SART3: variants seen among roughly 807,000 people sequenced by gnomAD.
SART3 encodes spliceosome associated factor 3, U4/U6 recycling protein, also known as HIV-1 Tat-interacting protein of 110kDa.
In SART3, 44 loss-of-function variants were observed where a neutral mutation model predicts 122.3. The observed-to-expected ratio is 0.36, with a 90% confidence interval of 0.28 to 0.46. The LOEUF (loss-of-function observed/expected upper bound fraction) is 0.46. Ranked by LOEUF, SART3 falls within the 20% of genes least tolerant of loss-of-function variation. The probability of loss-of-function intolerance (pLI) is 1.00; values close to 1 mark genes in which losing one functional copy is unlikely to be tolerated. For missense variants in SART3, 1,101 were observed against 1,229.0 expected (o/e 0.90, Z 1.56); for synonymous variants, 442 against 454.0 (o/e 0.97, Z 0.34).
chr12:108,537,027 C>A, intron 9 of SART3: 2 of 529,888 alleles, frequency 3.8e-6, no homozygotes, highest in Non-Finnish European at 6.8e-6. Flanking sequence ...GGGGAGTCTC[C>A]CCCAGCTGGG....
At chr12:108,557,425 A>G (rs1486755825) in intron 1 of SART3, among the ~76,000 whole-genome samples, 2 of 152,140 alleles carry the variant, frequency 1.3e-5, no homozygotes, top group Non-Finnish European at 2.9e-5. Flanking sequence ...CTCCCTAGCA[A>G]TGTGAAAAAT....
At chr12:108,543,499 T>A (rs1873259055) in intron 5 of SART3, among the ~76,000 whole-genome samples, 1 of 152,200 alleles carries the variant, frequency 6.6e-6, no homozygotes, top group African/African-American at 2.4e-5. Flanking sequence ...ATTTTGCAGT[T>A]GAGGAAACTG....
At position 108,536,806 on chromosome 12, in the gene SART3, A is replaced by C. The variant is rs761466947; in HGVS notation, c.1310-21T>G. The C allele has an allele frequency of 3.7e-6, 6 of 1,610,488 alleles. No homozygotes were observed. In the East Asian group the frequency reaches 1.3e-4, roughly 36 times the overall value. ...GGAGTCTAACGGAAAGTGCAAAAAAAGGCTTTAGGAAACCACATAGCCTGG... is the reference window on the plus strand; with the variant it reads ...GGAGTCTAACGGAAAGTGCAAAAAACGGCTTTAGGAAACCACATAGCCTGG... On this transcript the variant is annotated intron_variant, in intron 9 of 18. Transcript: ENST00000546815.
intron 1 of SART3, among the ~76,000 whole-genome samples, chr12:108,559,664 C>CAAAAAA (rs35159668): frequency 1.3e-5 from 1 of 79,760 alleles, no homozygotes; most frequent in African/African-American, 4.8e-5. Context: ...GACTCTGTCT[C>CAAAAAA]AAAAAAAAAA....
In SART3 at chr12:108,530,229, C is replaced by T; in HGVS notation, c.1828G>A (p.Ala610Thr). The change falls in exon 15 of 19, where the codon GCG (alanine) becomes ACG (threonine). Residue 610 changes from alanine (A) to threonine (T), a missense_variant. Coordinates refer to ENST00000546815, the MANE Select transcript of SART3 (RefSeq NM_014706.4). ...CTGATCTTTTTCTTCTTTTTTAACG[C>T]TTTCTTCTCAGCCCGAGCTCTTTTC... is the stretch of plus-strand genomic sequence containing the variant. ...QRKRARAEKKALKKKKKIRGP... is the reference protein window; with the variant it reads ...QRKRARAEKKTLKKKKKIRGP... 1 of 1,614,188 alleles carries T rather than the reference C, an allele frequency of 6.2e-7. No homozygotes were observed. The highest frequency in any genetic ancestry group is 2.2e-5 in the East Asian group (1 of 44,888).
chr12:108,560,881 C>A lies in SART3; in HGVS notation c.274G>T (p.Glu92Ter), dbSNP rs1247330723. The A allele has an allele frequency of 6.2e-7, 1 of 1,606,240 alleles. No individual in the cohort carries two copies. The highest frequency in any genetic ancestry group is 8.5e-7 in the Non-Finnish European group (1 of 1,174,098). ...EYEWEYDEEE[E>*]KNQLEIERLE... Reference sequence around the variant, plus strand: ...CTCTCAATCTCCAGCTGGTTTTTCTCCTCCTCTTCGTCATATTCCCACTCG... The same window carrying A: ...CTCTCAATCTCCAGCTGGTTTTTCTACTCCTCTTCGTCATATTCCCACTCG... The change falls in exon 1 of 19, where the codon GAG (glutamate) becomes TAG (stop). Residue 92 changes from glutamate to a stop codon, truncating the protein, a stop_gained. Coordinates refer to ENST00000546815, the MANE Select transcript of SART3 (RefSeq NM_014706.4). LOFTEE classifies it high-confidence loss of function.
chr12:108,560,521 G>A (rs2030467689), intron 1 of SART3: 2 of 408,168 alleles, frequency 4.9e-6, no homozygotes, highest in Admixed American at 8.7e-5. Flanking sequence ...TCTGGAATGG[G>A]ATCAAAGTAC....
At chr12:108,542,147 T>C (rs1001365019) in intron 6 of SART3, among the ~76,000 whole-genome samples, 1 of 152,064 alleles carries the variant, frequency 6.6e-6, no homozygotes, top group Non-Finnish European at 1.5e-5. Flanking sequence ...GTGCCCAGCC[T>C]GAACACTTTA....
rs1347935751 is a variant in SART3 at position 108,523,267 on chromosome 12, C to T, written c.*190G>A. 1 of 647,006 alleles carries T rather than the reference C, an allele frequency of 1.5e-6. No homozygotes were observed. The highest frequency in any genetic ancestry group is 1.8e-5 in the African/African-American group (1 of 55,478). 40.1% of individuals were successfully genotyped at this position (647,006 alleles called of 1,614,324 possible). ...GAGTGGTCACTTTTCTGCCACTGCC[C>T]TCAATATGAGGGAGCACTGAAAGGC... On this transcript the variant is annotated 3_prime_UTR_variant, in exon 19 of 19. Coordinates refer to ENST00000546815, the MANE Select transcript of SART3 (RefSeq NM_014706.4).
chr12:108,527,904 A>C (rs905490668), intron 15 of SART3, among the ~76,000 whole-genome samples: 2 of 152,016 alleles, frequency 1.3e-5, no homozygotes, highest in Admixed American at 1.3e-4. Flanking sequence ...TAGCTGGGAA[A>C]ACAGGCACCC....
At position 108,557,206 on chromosome 12, in the gene SART3, G is replaced by GTTTT. The variant is rs71076787; in HGVS notation, c.312+3633_312+3636dup. 6.5e-3 allele frequency among the ~76,000 whole-genome samples: 539 copies of GTTTT among 82,946 alleles called. 36 individuals carry two copies. Among genetic ancestry groups the GTTTT allele is most frequent in the African/African-American group, 0.021 (387 of 18,460 alleles). 54.4% of individuals were successfully genotyped at this position (82,946 alleles called of 152,430 possible). A position where few individuals can be genotyped will look rare whatever the true frequency, so the allele number is the denominator to read the frequency against. ...GTCTTAGAACATCATTAATGACATA[G>GTTTT]TTTTTTTTTTTTTTTTTTTTTTTTT... On this transcript the variant is annotated intron_variant, in intron 1 of 18. Coordinates refer to ENST00000546815, the MANE Select transcript of SART3 (RefSeq NM_014706.4).
intron 1 of SART3, chr12:108,560,443 TAAC>T (rs1373938816): frequency 6.1e-6 from 2 of 328,046 alleles, no homozygotes; most frequent in African/African-American, 4.2e-5. Flanking sequence ...CATTCCTACA[TAAC>T]AAAATAACAC....
chr12:108,556,412 A>G (rs1028066202), intron 1 of SART3, among the ~76,000 whole-genome samples: 2 of 152,252 alleles, frequency 1.3e-5, no homozygotes, highest in Admixed American at 6.5e-5. Flanking sequence ...ACTCTTGTAC[A>G]TGATGTGAAC....
At chr12:108,529,543 A>C (rs769172289) in intron 15 of SART3, among the ~76,000 whole-genome samples, 70 of 152,246 alleles carry the variant, frequency 4.6e-4, no homozygotes, top group Non-Finnish European at 8.4e-4. Flanking sequence ...AGCCTGTGTG[A>C]AGGAACTCTT....
At chr12:108,528,655 G>C (rs1258650124) in intron 15 of SART3, among the ~76,000 whole-genome samples, 1 of 152,148 alleles carries the variant, frequency 6.6e-6, no homozygotes, top group African/African-American at 2.4e-5. Flanking sequence ...AAGAAGCAAG[G>C]GTGTCCATGC....
At chr12:108,538,233 TTACAC>T (rs1873001495) in intron 7 of SART3, 30 bp from the exon 8 acceptor site, 3 of 1,612,890 alleles carry the variant, frequency 1.9e-6, no homozygotes, top group Non-Finnish European at 2.5e-6. Context: ...AGTTAGGAAA[TTACAC>T]TTTATTAAGC....
Position 108,538,208 on chromosome 12 carries a change from G to A in SART3, c.1063-5C>T. 2.5e-6 allele frequency: 4 copies of A among 1,614,092 alleles called. No individual in the cohort carries two copies. The highest frequency in any genetic ancestry group is 3.4e-6 in the Non-Finnish European group (4 of 1,179,958). On this transcript the variant is annotated splice_polypyrimidine_tract_variant and splice_region_variant and intron_variant, in intron 7 of 18. Coordinates refer to ENST00000546815, the MANE Select transcript of SART3 (RefSeq NM_014706.4). The stretch of plus-strand genomic sequence containing the variant: ...CTTTACTTTCAGTTGTCGATCCTAT[G>A]ATAAAGAATTCCAGAGTTAGGAAAT...
At chr12:108,524,544 C>T in intron 17 of SART3, 38 bp from the exon 18 acceptor site, 1 of 1,603,028 alleles carries the variant, frequency 6.2e-7, no homozygotes, top group East Asian at 2.2e-5. Flanking sequence ...TCAGATCCCG[C>T]AGACTAGGGA....
intron 18 of SART3, chr12:108,523,903 C>A: frequency 1.7e-6 from 1 of 584,256 alleles, no homozygotes; most frequent in Admixed American, 3.0e-5. Context: ...TCAGACCTCA[C>A]CAGTCACCTG....
Sources: allele counts gnomAD v4.1 joint callset (sites outside exome capture counted in the v4.1 genomes callset), GRCh38; gene constraint gnomAD v4.1.1; transcripts MANE v1.5; gene names NCBI Gene and HGNC (gene_info 2026-07-23, HGNC 2026-07-21).